The following TRPS1 variants were observed in gnomAD, a reference collection of about 807,000 sequenced individuals.
TRPS1 encodes transcriptional repressor GATA binding 1.
Under a neutral mutation model 101.2 loss-of-function variants are expected in TRPS1, and 6 were observed. The ratio of observed to expected loss-of-function variants is 0.06; its 90% CI spans 0.03 to 0.12. The LOEUF (loss-of-function observed/expected upper bound fraction) is 0.12. Among genes scored for constraint, TRPS1 ranks in the 10% least tolerant of loss-of-function variants. The probability of loss-of-function intolerance (pLI) is 1.00; values close to 1 mark genes in which losing one functional copy is unlikely to be tolerated. For missense variants in TRPS1, 1,363 were observed against 1,567.0 expected (o/e 0.87, Z 2.20); for synonymous variants, 578 against 589.8 (o/e 0.98, Z 0.29).
intron 5 of TRPS1, among the ~76,000 whole-genome samples, chr8:115,491,379 A>ATCAT (rs1389961816): frequency 6.6e-6 from 1 of 152,152 alleles, no homozygotes; most frequent in Admixed American, 6.5e-5. Context: ...AGCGCATTAG[A>ATCAT]TCATTACCCA....
chr8:115,577,223 TA>T (rs978296237), intron 5 of TRPS1, among the ~76,000 whole-genome samples: 1 of 152,148 alleles, frequency 6.6e-6, no homozygotes, highest in African/African-American at 2.4e-5. Flanking sequence ...AGCAAATAAT[TA>T]TTTTTAAGTA....
intron 3 of TRPS1, among the ~76,000 whole-genome samples, chr8:115,610,060 T>G (rs1245787141): frequency 2.6e-5 from 4 of 152,232 alleles, no homozygotes; most frequent in Non-Finnish European, 5.9e-5. Flanking sequence ...TCAACACATG[T>G]ACTTATTTTC....
At chr8:115,651,469 C>T (rs551981877) in intron 1 of TRPS1, among the ~76,000 whole-genome samples, 148 of 152,256 alleles carry the variant, frequency 9.7e-4, no homozygotes, top group African/African-American at 3.3e-3. Context: ...TTTCTCAGTA[C>T]CTGAAAGTCT....
At chr8:115,489,001 G>A (rs1204636962) in intron 5 of TRPS1, among the ~76,000 whole-genome samples, 2 of 152,060 alleles carry the variant, frequency 1.3e-5, no homozygotes, top group African/African-American at 2.4e-5. Context: ...AAGTAGTATA[G>A]CTCTTATGAC....
chr8:115,600,814 C>T (rs1291824232), intron 4 of TRPS1, among the ~76,000 whole-genome samples: 1 of 151,810 alleles, frequency 6.6e-6, no homozygotes, highest in African/African-American at 2.4e-5. Flanking sequence ...AGAAAAGTAG[C>T]AGTTAATAGA....
chr8:115,421,229 C>T (rs995379922), intron 5 of TRPS1, among the ~76,000 whole-genome samples: 2 of 152,092 alleles, frequency 1.3e-5, no homozygotes, highest in Non-Finnish European at 2.9e-5. Flanking sequence ...AAGTGATCTG[C>T]CCGCCTCGGC....
At chr8:115,657,224 A>G (rs1811695404) in intron 1 of TRPS1, among the ~76,000 whole-genome samples, 1 of 152,110 alleles carries the variant, frequency 6.6e-6, no homozygotes, top group Admixed American at 6.6e-5. Context: ...TTTCCTAGAC[A>G]TGAAAGATAG....
intron 5 of TRPS1, among the ~76,000 whole-genome samples, chr8:115,499,509 T>C (rs576729772): frequency 2.0e-5 from 3 of 152,272 alleles, no homozygotes; most frequent in East Asian, 3.9e-4. Context: ...AAATCTTCTT[T>C]TTAAAAAGCT....
At chr8:115,497,565 C>A (rs1815179908) in intron 5 of TRPS1, among the ~76,000 whole-genome samples, 1 of 152,108 alleles carries the variant, frequency 6.6e-6, no homozygotes, top group African/African-American at 2.4e-5. Context: ...AGTTCTAATT[C>A]TTCTGAAAAA....
intron 1 of TRPS1, among the ~76,000 whole-genome samples, chr8:115,626,221 C>T (rs1818505813): frequency 6.6e-6 from 1 of 150,940 alleles, no homozygotes; most frequent in Non-Finnish European, 1.5e-5. Flanking sequence ...AACTAGATAG[C>T]TTCCATATGA....
rs1365301101 is a variant in TRPS1, at chr8:115,586,985, A to C, written c.2700+16T>G. 1.1e-5 allele frequency: 17 copies of C among 1,613,858 alleles called. No homozygotes were observed. Among genetic ancestry groups the C allele is most frequent in the Non-Finnish European group, 1.4e-5 (17 of 1,180,028 alleles). On this transcript the variant is annotated intron_variant, in intron 5 of 6. Coordinates refer to ENST00000395715, the MANE Select transcript of TRPS1 (RefSeq NM_014112.5). The stretch of plus-strand genomic sequence containing the variant: ...CTTCAAAACAAATGAATTATTTAAA[A>C]ATGAAACCATCCTACCCGTAACAGG...
At chr8:115,635,284 T>C (rs1375587211) in intron 1 of TRPS1, among the ~76,000 whole-genome samples, 2 of 152,028 alleles carry the variant, frequency 1.3e-5, no homozygotes, top group Non-Finnish European at 2.9e-5. Context: ...CAAGCTGATA[T>C]GAGAATTTTT....
intron 5 of TRPS1, among the ~76,000 whole-genome samples, chr8:115,529,150 T>A (rs1816070803): frequency 6.6e-6 from 1 of 152,008 alleles, no homozygotes; most frequent in South Asian, 2.1e-4. Context: ...AATTGGCATT[T>A]TGGCTGATTG....
intron 3 of TRPS1, among the ~76,000 whole-genome samples, chr8:115,611,709 C>G (rs1482789863): frequency 1.3e-5 from 2 of 152,060 alleles, no homozygotes; most frequent in African/African-American, 4.8e-5. Flanking sequence ...AAATCAACAG[C>G]GAGAGTAAGA....
At chr8:115,551,913 C>T (rs2130342265) in intron 5 of TRPS1, among the ~76,000 whole-genome samples, 1 of 152,292 alleles carries the variant, frequency 6.6e-6, no homozygotes, top group South Asian at 2.1e-4. Context: ...CTGCTCTCAC[C>T]TCCATGCAAT....
At chr8:115,487,783 T>A (rs1279780047) in intron 5 of TRPS1, among the ~76,000 whole-genome samples, 2 of 152,334 alleles carry the variant, frequency 1.3e-5, no homozygotes, top group East Asian at 1.9e-4. Context: ...TTGCTTCTTA[T>A]GGATGAGCAA....
At chr8:115,530,867 A>G (rs1048942108) in intron 5 of TRPS1, among the ~76,000 whole-genome samples, 1 of 152,052 alleles carries the variant, frequency 6.6e-6, no homozygotes, top group South Asian at 2.1e-4. Context: ...ACTCATAGGT[A>G]GGAATTGAAC....
intron 5 of TRPS1, among the ~76,000 whole-genome samples, chr8:115,567,821 C>T (rs1180187734): frequency 1.3e-5 from 2 of 152,086 alleles, no homozygotes; most frequent in Non-Finnish European, 2.9e-5. Context: ...CCCTGTGCCT[C>T]CTGCAGCTCT....
chr8:115,542,176 C>A (rs1816468780), intron 5 of TRPS1, among the ~76,000 whole-genome samples: 1 of 152,088 alleles, frequency 6.6e-6, no homozygotes, highest in South Asian at 2.1e-4. Flanking sequence ...CAAATGAGCG[C>A]CTTGATTTTT....
Sources: allele counts gnomAD v4.1 joint callset (sites outside exome capture counted in the v4.1 genomes callset), GRCh38; gene constraint gnomAD v4.1.1; transcripts MANE v1.5; gene names NCBI Gene and HGNC (gene_info 2026-07-23, HGNC 2026-07-21).